Variants in RORA observed in about 807,000 individuals in gnomAD.
RORA encodes nuclear receptor ROR-alpha.
RORA carries 7 observed loss-of-function variants against 69.5 expected under a neutral mutation model. That is an observed-to-expected ratio of 0.10 (90% confidence interval 0.06 to 0.19). The LOEUF is 0.19. Ranked by LOEUF, RORA falls within the 10% of genes least tolerant of loss-of-function variation. RORA has a pLI of 1.00. For synonymous variants in RORA, 261 were observed against 240.8 expected, an observed-to-expected ratio of 1.08 and a Z score of -0.78; for missense variants, 457 against 663.0, an observed-to-expected ratio of 0.69 and a Z score of 3.41.
chr15:60,628,242 C>T (rs1006579165), intron 2 of RORA, among the ~76,000 whole-genome samples: 19 of 152,204 alleles, frequency 1.2e-4, no homozygotes, highest in African/African-American at 3.4e-4. Context: ...GACAGTTTCT[C>T]GAACTTTCCT....
chr15:61,174,968 T>C (rs2079615230), intron 1 of RORA, among the ~76,000 whole-genome samples: 2 of 152,222 alleles, frequency 1.3e-5, no homozygotes, highest in African/African-American at 2.4e-5. Context: ...AACCCAAATC[T>C]GCTTGACTGC....
At chr15:61,203,035 A>G (rs1007684075) in intron 1 of RORA, among the ~76,000 whole-genome samples, 16 of 152,242 alleles carry the variant, frequency 1.1e-4, no homozygotes, top group African/African-American at 3.4e-4. Flanking sequence ...GTATACCTTA[A>G]GTACTTGACA....
Position 61,021,880 on chromosome 15 carries a change from T to C in RORA, c.166+207173A>G, listed in dbSNP as rs374181988. ...GGAGAGTGCTTGTGTACACATCCAA[T>C]TTCTTCTTACTGGTGCACTGGGATT... On this transcript the variant is annotated intron_variant, in intron 1 of 10. Coordinates refer to ENST00000335670, the MANE Select transcript of RORA (RefSeq NM_134261.3). Among the ~76,000 whole-genome samples, 46 of 152,312 alleles carry C rather than the reference T, an allele frequency of 3.0e-4. 2 individuals carry two copies. The South Asian group carries it at 7.0e-3, about 23-fold the overall frequency.
chr15:60,950,718 CAA>C (rs1893066587), intron 1 of RORA, among the ~76,000 whole-genome samples: 1 of 81,256 alleles, frequency 1.2e-5, no homozygotes, highest in Non-Finnish European at 2.5e-5. Flanking sequence ...GTAAAGGGAT[CAA>C]TTCAACAAGA....
chr15:60,712,602 T>C (rs1196243474), intron 1 of RORA, among the ~76,000 whole-genome samples: 2 of 152,184 alleles, frequency 1.3e-5, no homozygotes, highest in Non-Finnish European at 2.9e-5. Context: ...ACCCAGTGTA[T>C]TGCAAGGCAT....
chr15:60,741,628 A>T (rs751025966), intron 1 of RORA, among the ~76,000 whole-genome samples: 10 of 152,154 alleles, frequency 6.6e-5, no homozygotes, highest in Non-Finnish European at 1.5e-4. Context: ...CCATTAGTAA[A>T]TGCCCCATAA....
chr15:61,215,031 A>ATTT (rs61132940), intron 1 of RORA, among the ~76,000 whole-genome samples: 5 of 80,618 alleles, frequency 6.2e-5, no homozygotes, highest in Non-Finnish European at 1.1e-4. Flanking sequence ...CGCCCAGCTA[A>ATTT]TTTTTTTTTT....
intron 1 of RORA, among the ~76,000 whole-genome samples, chr15:60,973,477 G>T (rs1439944657): frequency 1.3e-5 from 2 of 152,216 alleles, no homozygotes; most frequent in Non-Finnish European, 2.9e-5. Context: ...TGGCTGAGCA[G>T]CCTTCGCCCA....
At chr15:60,962,575 C>T (rs933885951) in intron 1 of RORA, among the ~76,000 whole-genome samples, 6 of 152,192 alleles carry the variant, frequency 3.9e-5, no homozygotes, top group Admixed American at 1.3e-4. Flanking sequence ...GACTGCTCCC[C>T]GCTCTCCTCC....
At chr15:61,137,073 A>G (rs2079250593) in intron 1 of RORA, among the ~76,000 whole-genome samples, 1 of 149,576 alleles carries the variant, frequency 6.7e-6, no homozygotes. Flanking sequence ...GAAAGAAAGA[A>G]AGAAAGAAAG....
At chr15:61,086,869 G>T (rs185742863) in intron 1 of RORA, among the ~76,000 whole-genome samples, 4 of 152,234 alleles carry the variant, frequency 2.6e-5, no homozygotes, top group African/African-American at 7.2e-5. Flanking sequence ...CAGAGCTGAG[G>T]AGTTCCTACA....
intron 1 of RORA, among the ~76,000 whole-genome samples, chr15:60,956,628 C>G (rs1021047786): frequency 6.6e-6 from 1 of 152,178 alleles, no homozygotes; most frequent in East Asian, 1.9e-4. Context: ...GTATAAAATG[C>G]AAGTAACGAT....
intron 1 of RORA, among the ~76,000 whole-genome samples, chr15:61,183,307 G>C (rs1567026711): frequency 6.6e-6 from 1 of 152,190 alleles, no homozygotes; most frequent in African/African-American, 2.4e-5. Context: ...GGGCAAAGTG[G>C]GCAGATCACC....
chr15:60,566,780 G>A (rs1012806811), intron 2 of RORA, among the ~76,000 whole-genome samples: 2 of 152,150 alleles, frequency 1.3e-5, no homozygotes, highest in African/African-American at 4.8e-5. Flanking sequence ...AAAAGCCAAG[G>A]AGAGGTCCCA....
intron 1 of RORA, among the ~76,000 whole-genome samples, chr15:60,777,679 T>C (rs1248214342): frequency 6.6e-6 from 1 of 152,156 alleles, no homozygotes; most frequent in Non-Finnish European, 1.5e-5. Context: ...ACGGTAGGCA[T>C]TTACTCTAAG....
At chr15:61,204,771 G>C (rs531337182) in intron 1 of RORA, among the ~76,000 whole-genome samples, 1 of 152,338 alleles carries the variant, frequency 6.6e-6, no homozygotes, top group South Asian at 2.1e-4. Flanking sequence ...CACCCAAAAA[G>C]TATGCGCAAG....
chr15:60,633,073 G>A (rs2069771340), intron 2 of RORA, among the ~76,000 whole-genome samples: 1 of 152,158 alleles, frequency 6.6e-6, no homozygotes, highest in South Asian at 2.1e-4. Flanking sequence ...AAATAAAGTT[G>A]GCAGCTTTAC....
rs149353568 is a variant in RORA at position 60,604,095 on chromosome 15, T to C, written c.197-72244A>G. On this transcript the variant is annotated intron_variant, in intron 2 of 10. Coordinates refer to ENST00000335670, the MANE Select transcript of RORA (RefSeq NM_134261.3). ...TTGCAGAGAGCCGAGATCGCACCAC[T>C]GCACTCCAGCCTGGGTGACAGAGCG... is the stretch of plus-strand genomic sequence containing the variant. 5.9e-5 allele frequency among the ~76,000 whole-genome samples: 8 copies of C among 135,296 alleles called. No individual in the cohort carries two copies. In the East Asian group the frequency reaches 1.8e-3, roughly 30 times the overall value. The allele number at this position is 135,296 out of a possible 152,430, so 88.8% of individuals were successfully genotyped here. A position where few individuals can be genotyped will look rare whatever the true frequency, so the allele number is the denominator to read the frequency against.
At chr15:61,034,744 G>C (rs1467489101) in intron 1 of RORA, among the ~76,000 whole-genome samples, 2 of 149,162 alleles carry the variant, frequency 1.3e-5, no homozygotes, top group Admixed American at 6.7e-5. Context: ...TTTTAATAGT[G>C]GGGGCTGGGA....
Sources: gnomAD v4.1 joint callset for allele counts (sites outside exome capture counted in the v4.1 genomes callset) on GRCh38, gnomAD v4.1.1 for gene constraint, MANE v1.5 for transcripts, NCBI Gene and HGNC (gene_info 2026-07-23, HGNC 2026-07-21) for gene names.